Variants in MACC1 observed in about 807,000 individuals in gnomAD.
MACC1 encodes MET transcriptional regulator MACC1.
In MACC1, 79 loss-of-function variants were observed where a neutral mutation model predicts 70.7. The ratio of observed to expected loss-of-function variants is 1.12; its 90% CI spans 0.93 to 1.35. MACC1 has a LOEUF of 1.35. MACC1 is among the 40% of genes most tolerant of loss of function. MACC1 has a pLI of 0.00. For missense variants in MACC1, 1,106 were observed against 978.1 expected (o/e 1.13, Z -1.74); for synonymous variants, 361 against 347.2 (o/e 1.04, Z -0.44).
chr7:20,170,842 A>C (rs1015650058), intron 1 of MACC1, 64 bp from the exon 2 acceptor site: 2 of 152,256 alleles, frequency 1.3e-5, no homozygotes, highest in African/African-American at 2.4e-5. Flanking sequence ...ATGTTTATGC[A>C]CTAACGTTTG....
chr7:20,184,005 G>A (rs1272029954), intron 1 of MACC1, among the ~76,000 whole-genome samples: 1 of 152,054 alleles, frequency 6.6e-6, no homozygotes, highest in African/African-American at 2.4e-5. Flanking sequence ...ACCACACCTG[G>A]CCCCTGATTC....
intron 1 of MACC1, among the ~76,000 whole-genome samples, chr7:20,213,724 A>G (rs1047862706): frequency 1.3e-5 from 2 of 152,098 alleles, no homozygotes; most frequent in Admixed American, 6.6e-5. Flanking sequence ...ATGGACACAT[A>G]AAGGGGAACA....
intron 2 of MACC1, among the ~76,000 whole-genome samples, chr7:20,166,198 C>G (rs1293130446): frequency 1.3e-5 from 2 of 152,144 alleles, no homozygotes; most frequent in African/African-American, 4.8e-5. Context: ...GTATTTAACT[C>G]TTGATCTATG....
intron 1 of MACC1, among the ~76,000 whole-genome samples, chr7:20,196,472 G>A (rs1282873794): frequency 6.6e-6 from 1 of 152,044 alleles, no homozygotes; most frequent in Non-Finnish European, 1.5e-5. Context: ...GAGTCACTGC[G>A]CCCAGCCAAC....
intron 6 of MACC1, among the ~76,000 whole-genome samples, chr7:20,149,771 A>T (rs1200342464): frequency 2.6e-5 from 4 of 152,002 alleles, no homozygotes; most frequent in South Asian, 4.2e-4. Flanking sequence ...CTCTCCAATT[A>T]CTCAAAGGCC....
At chr7:20,193,278 A>T (rs992668603) in intron 1 of MACC1, among the ~76,000 whole-genome samples, 1 of 152,242 alleles carries the variant, frequency 6.6e-6, no homozygotes, top group Non-Finnish European at 1.5e-5. Context: ...TAAGCTATCA[A>T]CTTAGGGCAT....
chr7:20,178,423 G>A (rs78739193), intron 1 of MACC1, among the ~76,000 whole-genome samples: 2,507 of 152,164 alleles, frequency 0.016, 25 homozygotes, highest in Non-Finnish European at 0.024. Flanking sequence ...TCAACATTTT[G>A]AAGACATTAT....
intron 1 of MACC1, among the ~76,000 whole-genome samples, chr7:20,212,246 T>C (rs1783009832): frequency 6.6e-6 from 1 of 152,304 alleles, no homozygotes; most frequent in Middle Eastern, 3.4e-3. Context: ...ATATTACATG[T>C]ATTGGGGAAA....
At chr7:20,152,704 G>GA (rs1781998718) in intron 6 of MACC1, among the ~76,000 whole-genome samples, 1 of 152,130 alleles carries the variant, frequency 6.6e-6, no homozygotes, top group African/African-American at 2.4e-5. Flanking sequence ...GTAAATAATG[G>GA]AAAAGTGGGT....
intron 1 of MACC1, among the ~76,000 whole-genome samples, chr7:20,189,549 G>A (rs1176676854): frequency 1.3e-5 from 2 of 152,212 alleles, no homozygotes; most frequent in East Asian, 3.8e-4. Flanking sequence ...TGCAAATCTA[G>A]TTCAAATGTG....
intron 1 of MACC1, among the ~76,000 whole-genome samples, chr7:20,203,991 C>A (rs933986106): frequency 2.0e-5 from 3 of 152,076 alleles, no homozygotes; most frequent in Non-Finnish European, 2.9e-5. Context: ...TTTCCATTTG[C>A]ATTTTAAAAT....
At chr7:20,201,665 A>G (rs1490390108) in intron 1 of MACC1, among the ~76,000 whole-genome samples, 1 of 152,196 alleles carries the variant, frequency 6.6e-6, no homozygotes, top group Non-Finnish European at 1.5e-5. Flanking sequence ...GCAGAACTAG[A>G]GACAAAGAGC....
Position 20,158,524 on chromosome 7 carries a change from T to G in MACC1, c.1837A>C (p.Asn613His). Reference protein sequence around the residue: ...RGKIGLVHCKNVKVISKEQVM... With the variant: ...RGKIGLVHCKHVKVISKEQVM... ...TGCTCCTTTGAAATCACCTTGACAT[T>G]TTTGCAGTGTACAAGTCCAATCTTA... is the stretch of plus-strand genomic sequence containing the variant. The change falls in exon 5 of 7, where the codon AAT (asparagine) becomes CAT (histidine). Residue 613 changes from asparagine (N) to histidine (H), a missense_variant. Coordinates refer to ENST00000400331, the MANE Select transcript of MACC1 (RefSeq NM_182762.4). 1 of 1,614,118 alleles carries G rather than the reference T, an allele frequency of 6.2e-7. No homozygotes were observed. The highest frequency in any genetic ancestry group is 8.5e-7 in the Non-Finnish European group (1 of 1,180,004).
At position 20,161,790 on chromosome 7, in the gene MACC1, CAATCA is replaced by C; in HGVS notation, c.68_72del (p.Leu23Ter). ...TTTGAGAGTTTTCCAGCTTCCATGT[CAATCA>C]AATTTGCTTCAGACATACTTTGTGC... On this transcript the variant is annotated frameshift_variant, in exon 4 of 7. Transcript: ENST00000400331. LOFTEE classifies it high-confidence loss of function. 6.2e-7 allele frequency: 1 copy of C among 1,612,512 alleles called. No homozygotes were observed. Among genetic ancestry groups the C allele is most frequent in the Middle Eastern group, 1.7e-4 (1 of 6,050 alleles).
chr7:20,192,041 T>C (rs891430245), intron 1 of MACC1, among the ~76,000 whole-genome samples: 6 of 152,200 alleles, frequency 3.9e-5, no homozygotes, highest in Non-Finnish European at 7.3e-5. Context: ...ATATGTAATA[T>C]ATTTAATATA....
intron 5 of MACC1, 46 bp downstream of exon 5, chr7:20,158,158 T>G: frequency 1.3e-6 from 2 of 1,520,346 alleles, no homozygotes; most frequent in African/African-American, 2.8e-5. Context: ...GTCAAGTTAA[T>G]ACAATTCTCG....
intron 1 of MACC1, among the ~76,000 whole-genome samples, chr7:20,185,871 G>C (rs1329015605): frequency 6.6e-6 from 1 of 152,160 alleles, no homozygotes; most frequent in Non-Finnish European, 1.5e-5. Flanking sequence ...GGGAGACTGA[G>C]ATACATAGAG....
At chr7:20,165,748 T>C (rs1240567246) in intron 2 of MACC1, among the ~76,000 whole-genome samples, 2 of 152,152 alleles carry the variant, frequency 1.3e-5, no homozygotes, top group Admixed American at 6.5e-5. Context: ...TTGGAATGAG[T>C]AAATGAGAAT....
chr7:20,159,247 T>C lies in MACC1; in HGVS notation c.1114A>G (p.Ile372Val), dbSNP rs80139277. The change falls in exon 5 of 7, where the codon ATT becomes GTT. Residue 372 changes from isoleucine (I) to valine (V), a missense_variant. Coordinates refer to ENST00000400331, the MANE Select transcript of MACC1 (RefSeq NM_182762.4). ...IWDYIHKTTSIGIYGPKYIHP... is the reference protein window; with the variant it reads ...IWDYIHKTTSVGIYGPKYIHP... ...ATATATTTGGGTCCATAAATTCCAA[T>C]TGAGGTGGTTTTGTGGATATAATCC... 126 of 1,613,802 alleles carry C rather than the reference T, an allele frequency of 7.8e-5. No homozygotes were observed. In the East Asian group the frequency reaches 2.2e-3, roughly 29 times the overall value.
Sources: gnomAD v4.1 joint callset for allele counts (sites outside exome capture counted in the v4.1 genomes callset) on GRCh38, gnomAD v4.1.1 for gene constraint, MANE v1.5 for transcripts, NCBI Gene and HGNC (gene_info 2026-07-23, HGNC 2026-07-21) for gene names.